Variants in SIK3 observed in about 807,000 individuals in gnomAD.
SIK3 encodes the protein SIK family kinase 3.
SIK3 carries 28 observed loss-of-function variants against 144.2 expected under a neutral mutation model. That is an observed-to-expected ratio of 0.19 (90% CI 0.14 to 0.27). The LOEUF is 0.27. SIK3 is among the 10% of genes least tolerant of loss of function. SIK3 has a pLI of 1.00. For synonymous variants in SIK3, 686 were observed against 676.3 expected (o/e 1.01, Z -0.22); for missense variants, 1,319 against 1,776.0 (o/e 0.74, Z 4.62).
intron 1 of SIK3, among the ~76,000 whole-genome samples, chr11:117,068,740 T>C (rs1012902658): frequency 3.3e-5 from 5 of 152,110 alleles, no homozygotes; most frequent in African/African-American, 1.2e-4. Flanking sequence ...GGTGACAGAG[T>C]GAGACCCTGT....
In SIK3 at chr11:116,876,258, G is replaced by A. The variant is rs377138681; in HGVS notation, c.1090C>T (p.Leu364=). 65 of 1,613,586 alleles carry A rather than the reference G, an allele frequency of 4.0e-5. No homozygotes were observed. The East Asian group carries it at 1.4e-3, about 34-fold the overall frequency. The change falls in exon 8 of 25, where the codon CTG becomes TTG. Residue 364 remains leucine (L), a synonymous_variant. Transcript: ENST00000445177. ...CTCCACTCCTTCGGAGATACCTGCAGTGTCTGTTCTTTGTCCAGTCCCATG... is the reference window on the plus strand; with the variant it reads ...CTCCACTCCTTCGGAGATACCTGCAATGTCTGTTCTTTGTCCAGTCCCATG... The part of the protein sequence containing the change: ...EDMGLDKEQT[L]QSLRSDAYDH...
At chr11:117,035,347 C>T (rs1952447897) in intron 1 of SIK3, among the ~76,000 whole-genome samples, 1 of 152,134 alleles carries the variant, frequency 6.6e-6, no homozygotes, top group African/African-American at 2.4e-5. Flanking sequence ...ATGTGTTCAA[C>T]AATCACTCCA....
intron 4 of SIK3, among the ~76,000 whole-genome samples, chr11:116,903,944 T>A (rs1347290823): frequency 1.3e-5 from 2 of 152,188 alleles, no homozygotes; most frequent in Non-Finnish European, 2.9e-5. Flanking sequence ...CCATTTCTAT[T>A]TAATAGGCTT....
In SIK3 at chr11:116,849,255, T is replaced by C; in HGVS notation, c.3684A>G (p.Arg1228=). Reference sequence around the variant, plus strand: ...GCTCCACTGCTTGTCCTGGAGAACTTCTATCCATGCAGTTCCCTATGACAG... The same window carrying C: ...GCTCCACTGCTTGTCCTGGAGAACTCCTATCCATGCAGTTCCCTATGACAG... ...REPVIGNCMD[R]SSPGQAVELP... is the part of the protein sequence containing the mutation. The change falls in exon 22 of 25, where the codon AGA becomes AGG. Residue 1228 remains arginine, a synonymous_variant. Transcript: ENST00000445177. This position sits in a 1 kb window ranked among gnomAD's most constrained non-coding sequence, Gnocchi z 4.2. The C allele has an allele frequency of 6.2e-7, 1 of 1,614,202 alleles. No homozygotes were observed. The highest frequency in any genetic ancestry group is 8.5e-7 in the Non-Finnish European group (1 of 1,180,022).
chr11:117,032,219 T>C (rs1250592245), intron 1 of SIK3, among the ~76,000 whole-genome samples: 1 of 152,198 alleles, frequency 6.6e-6, no homozygotes, highest in Non-Finnish European at 1.5e-5. Context: ...CCTGGGCTTT[T>C]GATAAAAATT....
intron 1 of SIK3, among the ~76,000 whole-genome samples, chr11:117,064,530 C>T (rs1565608894): frequency 6.6e-6 from 1 of 152,296 alleles, no homozygotes; most frequent in East Asian, 1.9e-4. Flanking sequence ...TTCTTTTCTA[C>T]TGATAAGCAC....
intron 1 of SIK3, among the ~76,000 whole-genome samples, chr11:117,053,983 C>A (rs1953391354): frequency 6.6e-6 from 1 of 152,130 alleles, no homozygotes; most frequent in South Asian, 2.1e-4. Context: ...CAAGGTCTTG[C>A]TATGCTGCCC....
At chr11:117,011,034 C>A (rs965170850) in intron 1 of SIK3, among the ~76,000 whole-genome samples, 1 of 152,114 alleles carries the variant, frequency 6.6e-6, no homozygotes, top group South Asian at 2.1e-4. Flanking sequence ...GTGGGAGGAT[C>A]GCTTGAGCAT....
At chr11:116,848,620 A>G (rs1565352793) in intron 22 of SIK3, among the ~76,000 whole-genome samples, 1 of 152,204 alleles carries the variant, frequency 6.6e-6, no homozygotes, top group Non-Finnish European at 1.5e-5. Context: ...AACCAAAACT[A>G]CAGGGAACAG....
chr11:116,864,771 T>G (rs1054952238), intron 15 of SIK3: 4 of 152,310 alleles, frequency 2.6e-5, no homozygotes, highest in Non-Finnish European at 4.4e-5. Context: ...ACACTGAACT[T>G]TGGATGAAAT....
chr11:117,009,715 A>G (rs1456308198), intron 1 of SIK3, among the ~76,000 whole-genome samples: 1 of 152,218 alleles, frequency 6.6e-6, no homozygotes, highest in African/African-American at 2.4e-5. Flanking sequence ...GTATCAAATC[A>G]ATATAAAACC....
At position 116,938,506 on chromosome 11, in the gene SIK3, A is replaced by T. The variant is rs187184721; in HGVS notation, c.455-11126T>A. Among the ~76,000 whole-genome samples the T allele has an allele frequency of 6.6e-4, 23 of 34,932 alleles. 1 individual carries two copies. The highest frequency in any genetic ancestry group is 1.8e-3 in the African/African-American group (12 of 6,606). The allele number at this position is 34,932 out of a possible 152,430, so 22.9% of individuals were successfully genotyped here. ...GAGGAGAAGAGAAGGAGAGAAAAAG[A>T]AAAGGAAAATGAAAAGAAGGGGACG... On this transcript the variant is annotated intron_variant, in intron 3 of 24. Coordinates refer to ENST00000445177, the MANE Select transcript of SIK3 (RefSeq NM_001366686.3).
intron 12 of SIK3, 71 bp downstream of exon 12, chr11:116,873,832 T>A: frequency 6.5e-7 from 1 of 1,539,868 alleles, no homozygotes; most frequent in South Asian, 1.3e-5. Flanking sequence ...CTAGGGAAGG[T>A]GCCTCATAGC....
At chr11:117,052,110 G>A (rs899809824) in intron 1 of SIK3, among the ~76,000 whole-genome samples, 2 of 151,802 alleles carry the variant, frequency 1.3e-5, no homozygotes, top group African/African-American at 4.8e-5. Flanking sequence ...CACTGGACTC[G>A]ACTGGGCAAC....
intron 1 of SIK3, among the ~76,000 whole-genome samples, chr11:116,992,262 C>T (rs1950522888): frequency 6.6e-6 from 1 of 150,806 alleles, no homozygotes; most frequent in Admixed American, 6.6e-5. Context: ...GAGGTGGAGG[C>T]TGCAGTGAGC....
rs567060733 is a variant in SIK3 at position 116,933,794 on chromosome 11, A to G, written c.455-6414T>C. On this transcript the variant is annotated intron_variant, in intron 3 of 24. Transcript: ENST00000445177. ...AGGGTAATTCTCTTAAATCTTAAAT[A>G]AGATCACATCATTTTTTTCTGTCAA... Among the ~76,000 whole-genome samples the G allele has an allele frequency of 2.6e-5, 4 of 152,272 alleles. No individual in the cohort carries two copies. In the South Asian group the frequency reaches 8.3e-4, roughly 32 times the overall value.
In SIK3 at chr11:117,098,214, T is replaced by C; in HGVS notation, c.202A>G (p.Ile68Val). 6.6e-7 allele frequency: 1 copy of C among 1,512,948 alleles called. No individual in the cohort carries two copies. The highest frequency in any genetic ancestry group is 8.8e-7 in the Non-Finnish European group (1 of 1,130,952). The allele number at this position is 1,512,948 out of a possible 1,614,324, so 93.7% of individuals were successfully genotyped here. Residue 68 changes from isoleucine to valine, a missense_variant, in exon 1 of 25, where the codon ATC (isoleucine) becomes GTC (valine). This residue lies in a region of SIK3 where 114 missense variants were observed against 116.2 expected (regional missense o/e 0.98). Coordinates refer to ENST00000445177, the MANE Select transcript of SIK3 (RefSeq NM_001366686.3). ...TTGCCCTTGCCGATGGTGCGGTCGA[T>C]CTCGTAGTAGCCGATACGGGCGGGC... ...PMPARIGYYE[I>V]DRTIGKGNFA...
chr11:116,976,787 T>C (rs1308868068), intron 1 of SIK3, among the ~76,000 whole-genome samples: 1 of 152,244 alleles, frequency 6.6e-6, no homozygotes, highest in Admixed American at 6.5e-5. Flanking sequence ...GGAGAATTTT[T>C]TTCTATTTTA....
intron 3 of SIK3, among the ~76,000 whole-genome samples, chr11:116,938,282 G>GAGGAA (rs1948042232): frequency 1.1e-5 from 1 of 89,960 alleles, no homozygotes; most frequent in African/African-American, 5.5e-5. Flanking sequence ...GAGGAGAGGA[G>GAGGAA]AGGAGAGGAG....
Sources: gnomAD v4.1 joint callset for allele counts (sites outside exome capture counted in the v4.1 genomes callset) on GRCh38, gnomAD v4.1.1 for gene constraint, gnomAD v4.1.1 regional missense constraint, Gnocchi (gnomAD v3.1) non-coding constraint, MANE v1.5 for transcripts, NCBI Gene and HGNC (gene_info 2026-07-23, HGNC 2026-07-21) for gene names.